The following SGCG variants were observed in gnomAD, a reference collection of about 807,000 sequenced individuals.
SGCG encodes the protein gamma-sarcoglycan.
Under a neutral mutation model 29.3 loss-of-function variants are expected in SGCG, and 26 were observed. The observed-to-expected ratio is 0.89, with a 90% CI of 0.65 to 1.23. The LOEUF is 1.23. Ranked by LOEUF, SGCG falls within the 50% of genes most tolerant of loss-of-function variation. SGCG has a pLI of 0.00. For synonymous variants in SGCG, 145 were observed against 129.7 expected (o/e 1.12, Z -0.80); for missense variants, 353 against 356.0 (o/e 0.99, Z 0.07).
At chr13:23,237,159 A>G (rs1879346128) in intron 3 of SGCG, among the ~76,000 whole-genome samples, 1 of 152,194 alleles carries the variant, frequency 6.6e-6, no homozygotes, top group Non-Finnish European at 1.5e-5. Context: ...ACATCTGATC[A>G]CCCAGTAACC....
intron 2 of SGCG, among the ~76,000 whole-genome samples, chr13:23,228,563 A>T (rs1441754813): frequency 1.3e-5 from 2 of 152,120 alleles, no homozygotes. Flanking sequence ...GGTACTAAGC[A>T]CAGTACCTGA....
chr13:23,257,032 C>G (rs914160615), intron 4 of SGCG, among the ~76,000 whole-genome samples: 2 of 152,178 alleles, frequency 1.3e-5, no homozygotes, highest in African/African-American at 4.8e-5. Context: ...ACATCCTCTC[C>G]AGTACCTGTT....
At chr13:23,279,004 T>C (rs1477049318) in intron 4 of SGCG, among the ~76,000 whole-genome samples, 1 of 152,206 alleles carries the variant, frequency 6.6e-6, no homozygotes, top group Non-Finnish European at 1.5e-5. Context: ...CATTTCAGAA[T>C]GCAAGATTCT....
At chr13:23,251,099 T>G (rs1223964422) in intron 4 of SGCG, among the ~76,000 whole-genome samples, 5 of 152,208 alleles carry the variant, frequency 3.3e-5, no homozygotes, top group Non-Finnish European at 7.3e-5. Flanking sequence ...CTCCCCGTTC[T>G]TTCTTCTCTT....
chr13:23,187,104 C>T (rs1877008092), intron 1 of SGCG, among the ~76,000 whole-genome samples: 3 of 152,142 alleles, frequency 2.0e-5, no homozygotes, highest in Admixed American at 6.5e-5. Context: ...AGCTACTGGG[C>T]CCATGCATGG....
chr13:23,191,624 T>C (rs533947552), intron 1 of SGCG, among the ~76,000 whole-genome samples: 46 of 152,308 alleles, frequency 3.0e-4, no homozygotes, highest in Admixed American at 7.2e-4. Flanking sequence ...ATTATCCTTG[T>C]AGAGCTAAAT....
intron 3 of SGCG, among the ~76,000 whole-genome samples, chr13:23,249,002 A>AAAAAAAAAAAAC (rs1555239980): frequency 4.1e-5 from 6 of 146,726 alleles, no homozygotes; most frequent in Non-Finnish European, 7.5e-5. Context: ...GAAAAGAAAA[A>AAAAAAAAAAAAC]AAAAAAAAAA....
At chr13:23,245,918 G>A (rs367597081) in intron 3 of SGCG, 6 of 152,232 alleles carry the variant, frequency 3.9e-5, no homozygotes, top group East Asian at 3.9e-4. Flanking sequence ...TGTCTTCCTG[G>A]AGTGTCAGAG....
chr13:23,183,416 C>T (rs1876827483), intron 1 of SGCG, among the ~76,000 whole-genome samples: 1 of 152,104 alleles, frequency 6.6e-6, no homozygotes, highest in Non-Finnish European at 1.5e-5. Context: ...AGGCAGGAGA[C>T]TCCAGGCTGA....
rs1345568712 is a variant in SGCG, at chr13:23,320,731, G to C, written c.673G>C (p.Asp225His). Reference sequence around the variant, plus strand: ...GAAAATTGAGGCGCTTTCTCAAATGGATATTCTTTTTCATAGTAGTGATGG... The same window carrying C: ...GAAAATTGAGGCGCTTTCTCAAATGCATATTCTTTTTCATAGTAGTGATGG... The part of the protein sequence containing the change: ...AGKIEALSQM[D>H]ILFHSSDGML... Residue 225 changes from aspartate (D) to histidine (H), a missense_variant, in exon 7 of 8, where the codon GAT becomes CAT. Transcript: ENST00000218867. 3 of 1,613,622 alleles carry C rather than the reference G, an allele frequency of 1.9e-6. No individual in the cohort carries two copies. The South Asian group carries it at 3.3e-5, about 18-fold the overall frequency.
chr13:23,274,475 T>C (rs1024290300), intron 4 of SGCG, among the ~76,000 whole-genome samples: 5 of 142,762 alleles, frequency 3.5e-5, no homozygotes, highest in Non-Finnish European at 6.0e-5. Context: ...CGATCTTGGC[T>C]CGCTGCAAGC....
intron 6 of SGCG, among the ~76,000 whole-genome samples, chr13:23,299,322 A>G (rs1371010762): frequency 3.4e-5 from 5 of 147,040 alleles, no homozygotes; most frequent in South Asian, 2.2e-4. Flanking sequence ...GCCATCAACT[A>G]TGTTCCACTT....
At chr13:23,176,997 TAAAG>T (rs1468310706), upstream of SGCG, among the ~76,000 whole-genome samples, 1 of 152,176 alleles carries the variant, frequency 6.6e-6, no homozygotes. Context: ...GATGAATGAA[TAAAG>T]AAACTGTGGT....
chr13:23,251,274 C>G (rs755472719), intron 4 of SGCG, among the ~76,000 whole-genome samples: 1 of 152,172 alleles, frequency 6.6e-6, no homozygotes, highest in African/African-American at 2.4e-5. Flanking sequence ...TTCAATTACG[C>G]AAATTCTAAA....
intron 6 of SGCG, among the ~76,000 whole-genome samples, chr13:23,297,596 G>A (rs1309536753): frequency 6.6e-6 from 1 of 152,214 alleles, no homozygotes; most frequent in African/African-American, 2.4e-5. Context: ...GTTTAAGAAC[G>A]CCTTTAAGCG....
At chr13:23,240,182 AACAG>A (rs1879453607) in intron 3 of SGCG, among the ~76,000 whole-genome samples, 2 of 152,230 alleles carry the variant, frequency 1.3e-5, no homozygotes, top group South Asian at 4.1e-4. Flanking sequence ...ACTATATTAA[AACAG>A]ACAAAGTAGA....
At chr13:23,256,111 G>T (rs1322712128) in intron 4 of SGCG, among the ~76,000 whole-genome samples, 1 of 151,884 alleles carries the variant, frequency 6.6e-6, no homozygotes, top group African/African-American at 2.4e-5. Flanking sequence ...TATCCTCAAG[G>T]TGCAAAAAAG....
chr13:23,202,817 AG>A (rs1306364393), intron 1 of SGCG, among the ~76,000 whole-genome samples: 8 of 152,184 alleles, frequency 5.3e-5, no homozygotes, highest in Non-Finnish European at 1.0e-4. Context: ...AAAATCCCAG[AG>A]AAGAGTATTT....
chr13:23,284,107 A>G (rs1171101934), intron 5 of SGCG, among the ~76,000 whole-genome samples: 1 of 151,994 alleles, frequency 6.6e-6, no homozygotes, highest in Non-Finnish European at 1.5e-5. Context: ...CTTGAGGAGT[A>G]CCTTTGTTGT....
Sources: gnomAD v4.1 joint callset for allele counts (sites outside exome capture counted in the v4.1 genomes callset) on GRCh38, gnomAD v4.1.1 for gene constraint, MANE v1.5 for transcripts, NCBI Gene and HGNC (gene_info 2026-07-23, HGNC 2026-07-21) for gene names.